CTNNA1: variants seen among roughly 807,000 people sequenced by gnomAD.
CTNNA1 encodes the protein catenin alpha-1.
Under a neutral mutation model 98.4 loss-of-function variants are expected in CTNNA1, and 37 were observed. The observed-to-expected ratio is 0.38, with a 90% CI of 0.29 to 0.49. The LOEUF is 0.49. Among genes scored for constraint, CTNNA1 ranks in the 20% least tolerant of loss-of-function variants. The pLI is 0.95. For missense variants in CTNNA1, 761 were observed against 1,147.2 expected (o/e 0.66, Z 4.86); for synonymous variants, 404 against 413.2 (o/e 0.98, Z 0.27).
intron 7 of CTNNA1, among the ~76,000 whole-genome samples, chr5:138,846,820 TG>T (rs1244659310): frequency 6.6e-6 from 1 of 152,218 alleles, no homozygotes; most frequent in Admixed American, 6.5e-5. Context: ...GTTTTTCATT[TG>T]GGGGCAGGGT....
chr5:138,811,933 G>T (rs1203506564), intron 4 of CTNNA1: 18 of 348,340 alleles, frequency 5.2e-5, no homozygotes, highest in Non-Finnish European at 8.1e-5. Context: ...GGGAGACCGT[G>T]GGGAGAGGGA....
At chr5:138,917,939 A>G (rs372711719) in intron 11 of CTNNA1, 41 bp downstream of exon 11, 31 of 1,600,444 alleles carry the variant, frequency 1.9e-5, no homozygotes, top group Non-Finnish European at 2.6e-5. Context: ...GAAGATGTTC[A>G]TAATTACTTT....
At chr5:138,841,408 C>T (rs1224267174) in intron 7 of CTNNA1, among the ~76,000 whole-genome samples, 1 of 151,960 alleles carries the variant, frequency 6.6e-6, no homozygotes, top group Non-Finnish European at 1.5e-5. Context: ...TACAGGCGCC[C>T]GCTACCACGC....
At chr5:138,879,811 A>G (rs1028691376) in intron 7 of CTNNA1, among the ~76,000 whole-genome samples, 1 of 152,214 alleles carries the variant, frequency 6.6e-6, no homozygotes, top group Admixed American at 6.5e-5. Context: ...CAACTGAGAA[A>G]GCAGTAGAAG....
chr5:138,798,968 CT>C (rs753711737), intron 3 of CTNNA1, among the ~76,000 whole-genome samples: 16 of 151,896 alleles, frequency 1.1e-4, no homozygotes, highest in Non-Finnish European at 1.6e-4. Context: ...TAACAGGTAT[CT>C]TTTTAAATTT....
intron 1 of CTNNA1, among the ~76,000 whole-genome samples, chr5:138,758,098 C>G (rs1751894668): frequency 6.6e-6 from 1 of 152,124 alleles, no homozygotes. Flanking sequence ...CCTCTGTCTC[C>G]TGGGTTCAAG....
At chr5:138,817,708 A>T (rs200590723) in intron 5 of CTNNA1, among the ~76,000 whole-genome samples, 1 of 151,656 alleles carries the variant, frequency 6.6e-6, no homozygotes, top group Non-Finnish European at 1.5e-5. Context: ...GAAACTTTCT[A>T]TTGTATTTTT....
At chr5:138,922,478 A>G (rs1763115995) in intron 11 of CTNNA1, among the ~76,000 whole-genome samples, 1 of 152,208 alleles carries the variant, frequency 6.6e-6, no homozygotes. Context: ...TCATTTACAT[A>G]TAGTTGTCTG....
intron 7 of CTNNA1, among the ~76,000 whole-genome samples, chr5:138,838,782 T>C (rs561384828): frequency 1.3e-5 from 2 of 152,172 alleles, no homozygotes; most frequent in Admixed American, 1.3e-4. Context: ...ATTATTTTTA[T>C]TTTTTTGTTG....
intron 3 of CTNNA1, among the ~76,000 whole-genome samples, chr5:138,786,608 A>G (rs1561525147): frequency 1.3e-5 from 2 of 152,214 alleles, no homozygotes; most frequent in African/African-American, 2.4e-5. Flanking sequence ...ATGGGGCCGT[A>G]TCCACTCCAC....
At chr5:138,783,693 A>G (rs1382968273) in intron 3 of CTNNA1, among the ~76,000 whole-genome samples, 1 of 152,232 alleles carries the variant, frequency 6.6e-6, no homozygotes. Context: ...GTTAAGTCTT[A>G]GAAATGTTGT....
At chr5:138,792,775 G>C (rs2149683036) in intron 3 of CTNNA1, among the ~76,000 whole-genome samples, 1 of 152,310 alleles carries the variant, frequency 6.6e-6, no homozygotes, top group Non-Finnish European at 1.5e-5. Flanking sequence ...TGTTAATGAT[G>C]CTCTGGAAGA....
intron 3 of CTNNA1, among the ~76,000 whole-genome samples, chr5:138,791,686 G>C (rs1581023644): frequency 1.4e-5 from 2 of 141,052 alleles, no homozygotes; most frequent in Admixed American, 1.5e-4. Context: ...TTTATTGTCT[G>C]CTAACACAAT....
chr5:138,796,895 G>A (rs1757043202), intron 3 of CTNNA1, among the ~76,000 whole-genome samples: 1 of 152,162 alleles, frequency 6.6e-6, no homozygotes, highest in African/African-American at 2.4e-5. Flanking sequence ...CCTGTAAAAT[G>A]TTCTGTTTAA....
chr5:138,753,440 C>G lies in CTNNA1; in HGVS notation c.-73C>G, dbSNP rs1423464107. On this transcript the variant is annotated 5_prime_UTR_variant, in exon 1 of 18. Transcript: ENST00000302763. ...GGCCCATTTCCTCCTCCTAGCCGGA[C>G]TGGAGGGAGACAAAGCAGCGCCCGT... The G allele has an allele frequency of 5.4e-6, 2 of 373,326 alleles. No individual in the cohort carries two copies. The highest frequency in any genetic ancestry group is 1.3e-4 in the South Asian group (1 of 7,654). The allele number at this position is 373,326 out of a possible 1,614,324, so 23.1% of individuals were successfully genotyped here.
intron 1 of CTNNA1, among the ~76,000 whole-genome samples, chr5:138,763,316 G>A (rs1752569466): frequency 6.6e-6 from 1 of 152,166 alleles, no homozygotes; most frequent in Non-Finnish European, 1.5e-5. Context: ...TTTGCCCTGT[G>A]CGGCTCTGTT....
Position 138,821,199 on chromosome 5 carries a change from T to G in CTNNA1, c.589-3331T>G, listed in dbSNP as rs192661577. Among the ~76,000 whole-genome samples the G allele has an allele frequency of 4.0e-4, 61 of 152,350 alleles. 1 individual carries two copies. The East Asian group carries it at 9.8e-3, about 25-fold the overall frequency. On this transcript the variant is annotated intron_variant, in intron 5 of 17. Coordinates refer to ENST00000302763, the MANE Select transcript of CTNNA1 (RefSeq NM_001903.5). ...CATTAGCTGCATGTTGTTCTTTGAC[T>G]GTAAGTGTAAAATTGATGGCAGAAG...
In CTNNA1 at chr5:138,934,367, T is replaced by C; in HGVS notation, c.*278T>C. On this transcript the variant is annotated 3_prime_UTR_variant, in exon 18 of 18. Coordinates refer to ENST00000302763, the MANE Select transcript of CTNNA1 (RefSeq NM_001903.5). ...GAATCCCACATTAGCTTGTTAGTAATGCTCTGACCAAGCCGAGATGCCCAT... is the reference window on the plus strand; with the variant it reads ...GAATCCCACATTAGCTTGTTAGTAACGCTCTGACCAAGCCGAGATGCCCAT... The C allele has an allele frequency of 2.6e-6, 1 of 388,826 alleles. No homozygotes were observed. Among genetic ancestry groups the C allele is most frequent in the Non-Finnish European group, 4.6e-6 (1 of 215,836 alleles). 24.1% of individuals were successfully genotyped at this position (388,826 alleles called of 1,614,324 possible). A position where few individuals can be genotyped will look rare whatever the true frequency, so the allele number is the denominator to read the frequency against.
intron 17 of CTNNA1, 87 bp from the exon 18 acceptor site, chr5:138,933,715 G>A (rs1765941688): frequency 1.4e-6 from 2 of 1,415,406 alleles, no homozygotes; most frequent in African/African-American, 2.8e-5. Flanking sequence ...CAGAGGAGTA[G>A]GGGGCTCCCC....
Sources: allele counts gnomAD v4.1 joint callset (sites outside exome capture counted in the v4.1 genomes callset), GRCh38; gene constraint gnomAD v4.1.1; transcripts MANE v1.5; gene names NCBI Gene and HGNC (gene_info 2026-07-23, HGNC 2026-07-21).